The following CCDC80 variants were observed in gnomAD, a reference collection of about 807,000 sequenced individuals.
The protein encoded by CCDC80 is coiled-coil domain-containing protein 80.
CCDC80 carries 49 observed loss-of-function variants against 78.7 expected under a neutral mutation model. The ratio of observed to expected loss-of-function variants is 0.62; its 90% confidence interval spans 0.50 to 0.79. CCDC80 has a LOEUF of 0.79. Ranked by LOEUF, CCDC80 falls within the 30% of genes least tolerant of loss-of-function variation. The pLI, the probability that CCDC80 is intolerant of heterozygous loss-of-function variation, is 0.00. For missense variants in CCDC80, 1,205 were observed against 1,198.6 expected, an observed-to-expected ratio of 1.01 and a Z score of -0.08; for synonymous variants, 488 against 447.0, an observed-to-expected ratio of 1.09 and a Z score of -1.16.
Position 112,601,761 on chromosome 3 carries a change from C to T in CCDC80, c.*3656G>A, listed in dbSNP as rs1443141845. 3 of 151,666 alleles carry T rather than the reference C, an allele frequency of 2.0e-5. No homozygotes were observed. Among genetic ancestry groups the T allele is most frequent in the African/African-American group, 7.3e-5 (3 of 41,140 alleles). 9.4% of individuals were successfully genotyped at this position (151,666 alleles called of 1,614,324 possible). ...AGGGAGAAAGTTTACTTTGATATGC[C>T]ATATGATTGAAACAAATGCTCTTTT... On this transcript the variant is annotated 3_prime_UTR_variant, in exon 8 of 8. Transcript: ENST00000206423.
intron 2 of CCDC80, 38 bp from the exon 3 acceptor site, chr3:112,630,307 G>T: frequency 6.2e-7 from 1 of 1,604,298 alleles, no homozygotes; most frequent in South Asian, 1.1e-5. Flanking sequence ...CTCATTTATA[G>T]TGATAGTTTC....
chr3:112,639,207 A>T lies in CCDC80; in HGVS notation c.699T>A (p.Phe233Leu). 2.5e-6 allele frequency: 4 copies of T among 1,614,142 alleles called. No homozygotes were observed. The highest frequency in any genetic ancestry group is 3.4e-6 in the Non-Finnish European group (4 of 1,180,020). ...MSFLKLEKGK[F>L]GMVLLKKTLQ... is the part of the protein sequence containing the mutation. ...GCGTCTTCTTCAGCAGCACCATGCC[A>T]AACTTGCCCTTCTCCAGCTTCAGGA... The change falls in exon 2 of 8, where the codon TTT (phenylalanine) becomes TTA (leucine). Residue 233 changes from phenylalanine (F) to leucine (L), a missense_variant. Transcript: ENST00000206423.
chr3:112,637,792 C>T (rs1936235642), intron 2 of CCDC80, among the ~76,000 whole-genome samples: 1 of 152,154 alleles, frequency 6.6e-6, no homozygotes, highest in African/African-American at 2.4e-5. Flanking sequence ...GGGTCCCCAG[C>T]CACTGACTTT....
chr3:112,622,729 C>G (rs995258117), intron 3 of CCDC80, among the ~76,000 whole-genome samples: 2 of 151,816 alleles, frequency 1.3e-5, no homozygotes, highest in African/African-American at 4.8e-5. Flanking sequence ...AATCTTGGCT[C>G]ATTGCAACCT....
intron 7 of CCDC80, 26 bp from the exon 8 acceptor site, chr3:112,605,789 G>A: frequency 1.3e-6 from 2 of 1,554,248 alleles, no homozygotes; most frequent in Non-Finnish European, 1.8e-6. Context: ...AATAGTTATT[G>A]TTAGTAGATT....
intron 2 of CCDC80, 67 bp downstream of exon 2, chr3:112,637,961 T>G: frequency 2.0e-6 from 3 of 1,532,556 alleles, no homozygotes; most frequent in Non-Finnish European, 2.6e-6. Flanking sequence ...TTTACAAAAC[T>G]AACAAGACAG....
In CCDC80 at chr3:112,630,220, T is replaced by C; in HGVS notation, c.1928A>G (p.Asp643Gly). 3 of 1,613,928 alleles carry C rather than the reference T, an allele frequency of 1.9e-6. No individual in the cohort carries two copies. The highest frequency in any genetic ancestry group is 3.3e-5 in the Admixed American group (2 of 60,004). ...CTTGCAGAAACTTTCCAGATATTCA[T>C]CACGTTGTTGCACATACATATTGTT... ...AENNMYVQQR[D>G]EYLESFCKMA... The change falls in exon 3 of 8, where the codon GAT (aspartate) becomes GGT (glycine). Residue 643 changes from aspartate (D) to glycine (G), a missense_variant. By Grantham distance (94) the Asp-to-Gly change is moderately conservative. Transcript: ENST00000206423.
At position 112,605,678 on chromosome 3, in the gene CCDC80, G is replaced by A; in HGVS notation, c.2592C>T (p.Phe864=). The stretch of plus-strand genomic sequence containing the variant: ...CGTCTTTTCCGACTAGAAGCATGGA[G>A]AAGTACTCCGGGCTCACTTGAAAAT... ...RNYFQVSPEY[F]SMLLVGKDGN... Residue 864 remains phenylalanine (F), a synonymous_variant, in exon 8 of 8, where the codon TTC becomes TTT. Transcript: ENST00000206423. 6.2e-7 allele frequency: 1 copy of A among 1,614,226 alleles called. No individual in the cohort carries two copies. Among genetic ancestry groups the A allele is most frequent in the Non-Finnish European group, 8.5e-7 (1 of 1,180,036 alleles).
chr3:112,640,279 T>C (rs1576799362), intron 1 of CCDC80, 48 bp downstream of exon 1: 2 of 212,542 alleles, frequency 9.4e-6, no homozygotes, highest in South Asian at 1.7e-4. Context: ...AAATAAGCAA[T>C]AAAGAAACAA....
intron 7 of CCDC80, 156 bp downstream of exon 7, chr3:112,607,020 G>A: frequency 1.8e-6 from 1 of 550,826 alleles, no homozygotes; most frequent in Non-Finnish European, 3.2e-6. Context: ...CATATCCCGT[G>A]CACACACAGG....
intron 7 of CCDC80, 58 bp from the exon 8 acceptor site, chr3:112,605,821 A>G (rs1559873766): frequency 2.1e-6 from 3 of 1,407,552 alleles, no homozygotes; most frequent in Non-Finnish European, 2.9e-6. Context: ...GCCCATGAAA[A>G]CATTAAAGTG....
rs1416691529 is a variant in CCDC80 at position 112,601,014 on chromosome 3, A to G, written c.*4403T>C. On this transcript the variant is annotated 3_prime_UTR_variant, in exon 8 of 8. Transcript: ENST00000206423. ...GCAGCTTGTACAGACTATCCAAGAA[A>G]AAATGAGGAGGAAAGTGCTCCATCA... 6.6e-6 allele frequency: 1 copy of G among 152,224 alleles called. No individual in the cohort carries two copies. Among genetic ancestry groups the G allele is most frequent in the Non-Finnish European group, 1.5e-5 (1 of 68,054 alleles). The allele number at this position is 152,224 out of a possible 1,614,324, so 9.4% of individuals were successfully genotyped here.
rs1035294728 is a variant in CCDC80 at position 112,603,210 on chromosome 3, A to G, written c.*2207T>C. The stretch of plus-strand genomic sequence containing the variant: ...TCACTTTTTGAGTCTTACTGCTCAG[A>G]AAAAAAAAGAATCTTTTAAAAATAT... On this transcript the variant is annotated 3_prime_UTR_variant, in exon 8 of 8. Coordinates refer to ENST00000206423, the MANE Select transcript of CCDC80 (RefSeq NM_199511.3). 2 of 150,246 alleles carry G rather than the reference A, an allele frequency of 1.3e-5. No homozygotes were observed. The highest frequency in any genetic ancestry group is 5.0e-5 in the African/African-American group (2 of 39,992). The allele number at this position is 150,246 out of a possible 1,614,324, so 9.3% of individuals were successfully genotyped here. A position where few individuals can be genotyped will look rare whatever the true frequency, so the allele number is the denominator to read the frequency against.
intron 2 of CCDC80, among the ~76,000 whole-genome samples, chr3:112,633,541 T>C (rs1936141576): frequency 1.3e-5 from 2 of 152,158 alleles, no homozygotes; most frequent in African/African-American, 2.4e-5. Flanking sequence ...GGGGCATAAA[T>C]GCTGGCCAAC....
rs1935382422 is a variant in CCDC80 at position 112,601,882 on chromosome 3, A to G, written c.*3535T>C. On this transcript the variant is annotated 3_prime_UTR_variant, in exon 8 of 8. Transcript: ENST00000206423. ...TTGAAAACAAAAAGAATCCCTGGAT[A>G]TAATCTCCTTCCTTGTAATTTTTTT... The G allele has an allele frequency of 1.3e-5, 2 of 152,202 alleles. No homozygotes were observed. Among genetic ancestry groups the G allele is most frequent in the African/African-American group, 2.4e-5 (1 of 41,432 alleles). The allele number at this position is 152,202 out of a possible 1,614,324, so 9.4% of individuals were successfully genotyped here.
chr3:112,600,457 TTC>T lies in CCDC80; in HGVS notation c.*4958_*4959del, dbSNP rs1935354344. On this transcript the variant is annotated 3_prime_UTR_variant, in exon 8 of 8. Transcript: ENST00000206423. Reference sequence around the variant, plus strand: ...TATTCTGAGAGTAAATTTTCTATTATTCCTATCTAATTCATTTTCTTGGGAGA... The same window carrying T: ...TATTCTGAGAGTAAATTTTCTATTATCTATCTAATTCATTTTCTTGGGAGA... 6.6e-6 allele frequency: 1 copy of T among 152,134 alleles called. No homozygotes were observed. Among genetic ancestry groups the T allele is most frequent in the African/African-American group, 2.4e-5 (1 of 41,420 alleles). The allele number at this position is 152,134 out of a possible 1,614,324, so 9.4% of individuals were successfully genotyped here. A position where few individuals can be genotyped will look rare whatever the true frequency, so the allele number is the denominator to read the frequency against.
At chr3:112,624,094 G>A (rs1276811722) in intron 3 of CCDC80, among the ~76,000 whole-genome samples, 2 of 152,260 alleles carry the variant, frequency 1.3e-5, no homozygotes, top group Admixed American at 6.5e-5. Flanking sequence ...ATATGAAAAA[G>A]ACAGTAATAA....
chr3:112,615,814 C>T (rs553905593), intron 5 of CCDC80, among the ~76,000 whole-genome samples: 5 of 152,252 alleles, frequency 3.3e-5, no homozygotes, highest in Non-Finnish European at 7.4e-5. Flanking sequence ...AGTTTACAAA[C>T]GCCATGGCAA....
chr3:112,638,385 C>T lies in CCDC80; in HGVS notation c.1521G>A (p.Glu507=), dbSNP rs768783026. 5 of 1,614,002 alleles carry T rather than the reference C, an allele frequency of 3.1e-6. No homozygotes were observed. Among genetic ancestry groups the T allele is most frequent in the African/African-American group, 2.7e-5 (2 of 74,898 alleles). Residue 507 remains glutamate (E), a synonymous_variant, in exon 2 of 8, where the codon GAG becomes GAA. Coordinates refer to ENST00000206423, the MANE Select transcript of CCDC80 (RefSeq NM_199511.3). The stretch of plus-strand genomic sequence containing the variant: ...TAGGCCGGCTGAGGTCATACTTCTC[C>T]TCATACTCATTACTAAGAATTTTGT... ...AQDKILSNEY[E]EKYDLSRPTA...
Sources: allele counts gnomAD v4.1 joint callset (sites outside exome capture counted in the v4.1 genomes callset), GRCh38; gene constraint gnomAD v4.1.1; transcripts MANE v1.5; gene names NCBI Gene and HGNC (gene_info 2026-07-23, HGNC 2026-07-21).